The following IQGAP2 variants were observed in gnomAD, a reference collection of about 807,000 sequenced individuals.
IQGAP2 encodes the protein IQ motif containing GTPase activating protein 2.
Under a neutral mutation model 201.3 loss-of-function variants are expected in IQGAP2, and 173 were observed. The observed-to-expected ratio is 0.86, with a 90% confidence interval of 0.76 to 0.98. The LOEUF is 0.98. IQGAP2 is among the 50% of genes least tolerant of loss of function. The pLI, the probability that IQGAP2 is intolerant of heterozygous loss-of-function variation, is 0.00. For synonymous variants in IQGAP2, 675 were observed against 673.9 expected (o/e 1.00, Z -0.03); for missense variants, 1,687 against 1,864.8 (o/e 0.90, Z 1.76).
chr5:76,554,298 AAAG>A (rs1176931436), intron 2 of IQGAP2, among the ~76,000 whole-genome samples: 1 of 152,206 alleles, frequency 6.6e-6, no homozygotes, highest in Non-Finnish European at 1.5e-5. Context: ...ATAAACAACA[AAAG>A]AAGAAATAGA....
rs527948037 is a variant in IQGAP2, at chr5:76,470,527, G to A, written c.146+8858G>A. Among the ~76,000 whole-genome samples, 3 of 152,260 alleles carry A rather than the reference G, an allele frequency of 2.0e-5. No homozygotes were observed. The South Asian group carries it at 6.2e-4, about 32-fold the overall frequency. On this transcript the variant is annotated intron_variant, in intron 2 of 35. Coordinates refer to ENST00000274364, the MANE Select transcript of IQGAP2 (RefSeq NM_006633.5). ...TCAGAAATTGAATCCTTCCTGATCTGAATGCTTACGGTTCTAAGCTTACTG... is the reference window on the plus strand; with the variant it reads ...TCAGAAATTGAATCCTTCCTGATCTAAATGCTTACGGTTCTAAGCTTACTG...
At chr5:76,606,326 C>T (rs1478936998) in intron 12 of IQGAP2, 23 bp downstream of exon 12, 8 of 1,554,840 alleles carry the variant, frequency 5.1e-6, no homozygotes, top group Non-Finnish European at 7.0e-6. Context: ...CACTTTCCTT[C>T]TCTAGCATAG....
At chr5:76,652,601 C>G (rs1465618736) in intron 17 of IQGAP2, 149 bp from the exon 18 acceptor site, 1 of 692,046 alleles carries the variant, frequency 1.4e-6, no homozygotes, top group Non-Finnish European at 2.6e-6. Context: ...CTGGCTACCC[C>G]CAGAGAGGGT....
At chr5:76,663,798 GC>G (rs1293063032) in intron 21 of IQGAP2, among the ~76,000 whole-genome samples, 1 of 152,192 alleles carries the variant, frequency 6.6e-6, no homozygotes, top group Non-Finnish European at 1.5e-5. Context: ...CTCCCAAAGT[GC>G]TGAGATCACA....
Position 76,637,032 on chromosome 5 carries a change from A to G in IQGAP2, c.1781-2A>G. 1.3e-6 allele frequency: 2 copies of G among 1,590,932 alleles called. No individual in the cohort carries two copies. Among genetic ancestry groups the G allele is most frequent in the Non-Finnish European group, 1.7e-6 (2 of 1,170,838 alleles). ...TAGAATTTAACAAACTTTTTTCTTT[A>G]GTGTCTAGTGACGGTTCATGGCTCA... On this transcript the variant is annotated splice_acceptor_variant, in intron 15 of 35. Transcript: ENST00000274364. LOFTEE classifies it high-confidence loss of function.
chr5:76,443,251 A>G (rs1753154479), intron 1 of IQGAP2, among the ~76,000 whole-genome samples: 1 of 152,186 alleles, frequency 6.6e-6, no homozygotes, highest in Non-Finnish European at 1.5e-5. Context: ...CCTCATTTCA[A>G]CATAACAGTT....
chr5:76,460,552 G>T (rs969623900), intron 1 of IQGAP2, among the ~76,000 whole-genome samples: 1 of 142,250 alleles, frequency 7.0e-6, no homozygotes, highest in Non-Finnish European at 1.5e-5. Flanking sequence ...CCTGTTCTGA[G>T]AGTTTTATGG....
chr5:76,597,351 G>A, intron 9 of IQGAP2, 88 bp from the exon 10 acceptor site: 1 of 1,383,582 alleles, frequency 7.2e-7, no homozygotes, highest in Admixed American at 1.9e-5. Context: ...AACTGCTTAG[G>A]TTCAAATCCT....
chr5:76,599,925 G>A (rs911571238), intron 10 of IQGAP2, among the ~76,000 whole-genome samples: 1 of 152,166 alleles, frequency 6.6e-6, no homozygotes, highest in Admixed American at 6.5e-5. Flanking sequence ...TAAAGGGGAA[G>A]GGTGTTCTGA....
chr5:76,634,124 C>T (rs181508070), intron 15 of IQGAP2, among the ~76,000 whole-genome samples: 113 of 152,112 alleles, frequency 7.4e-4, no homozygotes, highest in Middle Eastern at 6.8e-3. Context: ...TGCTGCCATC[C>T]GCCTTAATAA....
At chr5:76,573,283 G>T (rs1485837693) in intron 4 of IQGAP2, among the ~76,000 whole-genome samples, 1 of 152,136 alleles carries the variant, frequency 6.6e-6, no homozygotes, top group Non-Finnish European at 1.5e-5. Flanking sequence ...TTTAACATTG[G>T]TTTTTATTAT....
At chr5:76,612,366 C>T (rs537302786) in intron 13 of IQGAP2, among the ~76,000 whole-genome samples, 3 of 152,178 alleles carry the variant, frequency 2.0e-5, no homozygotes, top group Middle Eastern at 3.4e-3. Flanking sequence ...TGTGGTGGCT[C>T]ACACCTATAA....
At chr5:76,539,061 G>T (rs1444449939) in intron 2 of IQGAP2, among the ~76,000 whole-genome samples, 1 of 152,116 alleles carries the variant, frequency 6.6e-6, no homozygotes, top group African/African-American at 2.4e-5. Flanking sequence ...TCCCCCTTTG[G>T]TATTGCTGGG....
chr5:76,514,275 T>C (rs1318875515), intron 2 of IQGAP2, among the ~76,000 whole-genome samples: 1 of 152,126 alleles, frequency 6.6e-6, no homozygotes, highest in Non-Finnish European at 1.5e-5. Context: ...CTACTCACCT[T>C]GGCCTTCCAG....
chr5:76,555,447 A>G (rs1251120565), intron 2 of IQGAP2, among the ~76,000 whole-genome samples: 3 of 152,226 alleles, frequency 2.0e-5, no homozygotes, highest in Non-Finnish European at 4.4e-5. Flanking sequence ...GCTGGTGATC[A>G]CAGAGCCAGA....
chr5:76,635,880 G>C (rs1751088196), intron 15 of IQGAP2, among the ~76,000 whole-genome samples: 2 of 151,806 alleles, frequency 1.3e-5, no homozygotes, highest in Admixed American at 1.3e-4. Context: ...TAGGGGGAGG[G>C]AAAGGAAGGA....
Position 76,568,518 on chromosome 5 carries a change from C to T in IQGAP2, c.304-2062C>T, listed in dbSNP as rs528067189. Among the ~76,000 whole-genome samples the T allele has an allele frequency of 1.3e-3, 199 of 152,326 alleles. 1 individual carries two copies. Among genetic ancestry groups the T allele is most frequent in the African/African-American group, 4.7e-3 (195 of 41,580 alleles). On this transcript the variant is annotated intron_variant, in intron 3 of 35. Coordinates refer to ENST00000274364, the MANE Select transcript of IQGAP2 (RefSeq NM_006633.5). ...TGAGATTACTTTGCTAACAAGACCA[C>T]TAAACACATGGGTGTCTTTGTTACA...
chr5:76,421,445 C>G (rs915773848), intron 1 of IQGAP2, among the ~76,000 whole-genome samples: 2 of 151,990 alleles, frequency 1.3e-5, no homozygotes, highest in Non-Finnish European at 2.9e-5. Flanking sequence ...AAAACCCTAT[C>G]CTCTGCAAAA....
At chr5:76,636,678 C>A (rs975169952) in intron 15 of IQGAP2, among the ~76,000 whole-genome samples, 3 of 152,160 alleles carry the variant, frequency 2.0e-5, no homozygotes, top group Non-Finnish European at 4.4e-5. Context: ...AGGATCTTGC[C>A]GATTGGTCTC....
Sources: allele counts gnomAD v4.1 joint callset (sites outside exome capture counted in the v4.1 genomes callset), GRCh38; gene constraint gnomAD v4.1.1; transcripts MANE v1.5; gene names NCBI Gene and HGNC (gene_info 2026-07-23, HGNC 2026-07-21).